The following WDR26 variants were observed in gnomAD, a reference collection of about 807,000 sequenced individuals.
The protein encoded by WDR26 is WD repeat domain 26, also known as WD repeat-containing protein 26.
WDR26 carries 5 observed loss-of-function variants against 84.1 expected under a neutral mutation model. That is an observed-to-expected ratio of 0.06 (90% CI 0.03 to 0.13). The LOEUF is 0.13. WDR26 is among the 10% of genes least tolerant of loss of function. The pLI is 1.00. For synonymous variants in WDR26, 415 were observed against 389.6 expected, an observed-to-expected ratio of 1.07 and a Z score of -0.77; for missense variants, 642 against 974.9, an observed-to-expected ratio of 0.66 and a Z score of 4.55.
chr1:224,431,444 T>C, intron 3 of WDR26, 33 bp downstream of exon 3: 1 of 1,592,520 alleles, frequency 6.3e-7, no homozygotes. Flanking sequence ...AAAATAAGCA[T>C]AAATGTGAAA....
chr1:224,395,835 T>C (rs1007147240), intron 12 of WDR26, among the ~76,000 whole-genome samples: 2 of 152,248 alleles, frequency 1.3e-5, no homozygotes, highest in Admixed American at 1.3e-4. Context: ...CATCAAGCTC[T>C]GTTTGCTGTA....
Position 224,389,826 on chromosome 1 carries a change from AATTC to A in WDR26, c.*5_*8del. On this transcript the variant is annotated 3_prime_UTR_variant, in exon 14 of 14. Transcript: ENST00000414423. The stretch of plus-strand genomic sequence containing the variant: ...AGTTAAACAGAAGTCGTCTGCTCCA[AATTC>A]ACCATCAACTATCCATGCTACTGCA... The A allele has an allele frequency of 6.2e-7, 1 of 1,600,732 alleles. No homozygotes were observed. The highest frequency in any genetic ancestry group is 8.5e-7 in the Non-Finnish European group (1 of 1,174,992).
intron 8 of WDR26, among the ~76,000 whole-genome samples, chr1:224,403,085 A>C (rs1673460181): frequency 6.7e-6 from 1 of 150,334 alleles, no homozygotes. Flanking sequence ...TTTTTTTGAG[A>C]TGGGAGTCTC....
At chr1:224,428,871 A>C (rs1572215675) in intron 3 of WDR26, among the ~76,000 whole-genome samples, 1 of 149,040 alleles carries the variant, frequency 6.7e-6, no homozygotes, top group South Asian at 2.1e-4. Context: ...GCGCCATTGC[A>C]CTCCAGTCTG....
At chr1:224,415,054 C>T (rs1468791223) in intron 6 of WDR26, among the ~76,000 whole-genome samples, 1 of 152,108 alleles carries the variant, frequency 6.6e-6, no homozygotes, top group Non-Finnish European at 1.5e-5. Context: ...AATTCAGGTT[C>T]TATTTTTGCA....
intron 9 of WDR26, 47 bp downstream of exon 9, chr1:224,400,903 T>G (rs914133802): frequency 6.3e-7 from 1 of 1,597,622 alleles, no homozygotes. Flanking sequence ...AAAAGTACAT[T>G]TGCTTTTAAA....
At chr1:224,398,853 G>C (rs772303792) in intron 10 of WDR26, 36 bp downstream of exon 10, 1 of 1,608,896 alleles carries the variant, frequency 6.2e-7, no homozygotes, top group Admixed American at 1.7e-5. Flanking sequence ...ATATAAATCA[G>C]GTAATTGTTG....
intron 7 of WDR26, among the ~76,000 whole-genome samples, chr1:224,407,906 C>CTA (rs1673627904): frequency 1.3e-5 from 2 of 152,200 alleles, no homozygotes; most frequent in African/African-American, 4.8e-5. Flanking sequence ...AGAGGACTCA[C>CTA]TATAATACAG....
At chr1:224,395,554 T>C (rs1350566598) in intron 12 of WDR26, among the ~76,000 whole-genome samples, 1 of 151,668 alleles carries the variant, frequency 6.6e-6, no homozygotes, top group African/African-American at 2.4e-5. Flanking sequence ...TAGAAGTATC[T>C]GCTGCTCAAT....
intron 13 of WDR26, among the ~76,000 whole-genome samples, chr1:224,392,983 A>G (rs1673167463): frequency 6.6e-6 from 1 of 152,194 alleles, no homozygotes; most frequent in Non-Finnish European, 1.5e-5. Context: ...AAGCAAACCA[A>G]ACATTTTACG....
chr1:224,397,506 C>G (rs1224734052), intron 12 of WDR26, among the ~76,000 whole-genome samples: 4 of 152,106 alleles, frequency 2.6e-5, no homozygotes, highest in Admixed American at 2.6e-4. Flanking sequence ...ATATTCCTGT[C>G]TGGAATACTG....
At chr1:224,398,637 C>G (rs779062270) in intron 10 of WDR26, 44 bp from the exon 11 acceptor site, 1 of 1,509,392 alleles carries the variant, frequency 6.6e-7, no homozygotes, top group South Asian at 1.2e-5. Flanking sequence ...TATTAACAGT[C>G]AAGACATTCA....
chr1:224,392,753 CGCCAGTAAGATGTG>C (rs558851570), intron 13 of WDR26, among the ~76,000 whole-genome samples: 207 of 152,162 alleles, frequency 1.4e-3, no homozygotes, highest in Admixed American at 3.0e-3. Flanking sequence ...TATCCTTACC[CGCCAGTAAGATGTG>C]GCCAAGCCTT....
At chr1:224,405,595 T>C (rs193036499) in intron 7 of WDR26, among the ~76,000 whole-genome samples, 33 of 152,354 alleles carry the variant, frequency 2.2e-4, no homozygotes, top group Admixed American at 8.5e-4. Context: ...CAATACTTCA[T>C]TTAATTCTCA....
chr1:224,421,745 C>T (rs1419389052), intron 4 of WDR26, among the ~76,000 whole-genome samples: 1 of 152,140 alleles, frequency 6.6e-6, no homozygotes, highest in African/African-American at 2.4e-5. Context: ...GTCTAAGCAA[C>T]ATAGCCAGAC....
At chr1:224,424,986 G>T (rs1342358869) in intron 3 of WDR26, among the ~76,000 whole-genome samples, 2 of 152,118 alleles carry the variant, frequency 1.3e-5, no homozygotes, top group Non-Finnish European at 2.9e-5. Flanking sequence ...TAAAAATTTA[G>T]AACTATTCCA....
chr1:224,414,616 A>G (rs1673840813), intron 6 of WDR26, among the ~76,000 whole-genome samples: 1 of 152,228 alleles, frequency 6.6e-6, no homozygotes, highest in Non-Finnish European at 1.5e-5. Context: ...CTAGTTTCTA[A>G]AAGAGTAAAG....
Position 224,434,707 on chromosome 1 carries a change from G to A in WDR26, c.-302C>T. 1 of 960,506 alleles carries A rather than the reference G, an allele frequency of 1.0e-6. No homozygotes were observed. The highest frequency in any genetic ancestry group is 1.2e-6 in the Non-Finnish European group (1 of 808,256). The allele number at this position is 960,506 out of a possible 1,614,324, so 59.5% of individuals were successfully genotyped here. A position where few individuals can be genotyped will look rare whatever the true frequency, so the allele number is the denominator to read the frequency against. ...AGTGGCTGCGGCGGCGGCGGCGGCG[G>A]GCGGCAGCGGAGGCAGCTGCCGCCT... On this transcript the variant is annotated 5_prime_UTR_variant, in exon 1 of 14. Transcript: ENST00000414423.
rs1163997407 is a variant in WDR26, at chr1:224,387,430, C to G, written c.*2405G>C. The G allele has an allele frequency of 2.0e-5, 3 of 152,562 alleles. No individual in the cohort carries two copies. The South Asian group carries it at 6.2e-4, about 32-fold the overall frequency. 9.5% of individuals were successfully genotyped at this position (152,562 alleles called of 1,614,324 possible). On this transcript the variant is annotated 3_prime_UTR_variant, in exon 14 of 14. Coordinates refer to ENST00000414423, the MANE Select transcript of WDR26 (RefSeq NM_001379403.1). ...AGGAAGCTGCCAGTTAAGACAGACC[C>G]GGAAAACAAACTCACCTAGCTGCTA...
Sources: allele counts gnomAD v4.1 joint callset (sites outside exome capture counted in the v4.1 genomes callset), GRCh38; gene constraint gnomAD v4.1.1; transcripts MANE v1.5; gene names NCBI Gene and HGNC (gene_info 2026-07-23, HGNC 2026-07-21).